AFG3L2: variants seen among roughly 807,000 people sequenced by gnomAD.
AFG3L2 encodes the protein AFG3 like matrix AAA peptidase subunit 2, also known as mitochondrial inner membrane m-AAA protease component AFG3L2.
Under a neutral mutation model 94.5 loss-of-function variants are expected in AFG3L2, and 54 were observed. The ratio of observed to expected loss-of-function variants is 0.57; its 90% CI spans 0.46 to 0.72. The LOEUF is 0.72. AFG3L2 is among the 30% of genes least tolerant of loss of function. AFG3L2 has a pLI of 0.00. For synonymous variants in AFG3L2, 377 were observed against 365.5 expected (o/e 1.03, Z -0.36); for missense variants, 754 against 994.9 (o/e 0.76, Z 3.26).
chr18:12,333,628 G>T (rs1216181490), intron 16 of AFG3L2, among the ~76,000 whole-genome samples: 3 of 151,982 alleles, frequency 2.0e-5, no homozygotes. Context: ...GCCTCCCAAA[G>T]TGCTGGGATT....
At chr18:12,333,422 A>C (rs1481000997) in intron 16 of AFG3L2, among the ~76,000 whole-genome samples, 2 of 148,256 alleles carry the variant, frequency 1.3e-5, no homozygotes, top group Admixed American at 7.0e-5. Flanking sequence ...CAGTGACGTG[A>C]TCACAGCTCA....
At chr18:12,330,170 CA>C (rs1377453250) in intron 16 of AFG3L2, among the ~76,000 whole-genome samples, 1 of 151,890 alleles carries the variant, frequency 6.6e-6, no homozygotes, top group Admixed American at 6.6e-5. Flanking sequence ...ACTAAAAATG[CA>C]AAAAAATAGC....
At chr18:12,349,285 A>T (rs1326215137) in intron 12 of AFG3L2, among the ~76,000 whole-genome samples, 1 of 152,186 alleles carries the variant, frequency 6.6e-6, no homozygotes, top group Non-Finnish European at 1.5e-5. Flanking sequence ...GGATGTGGAG[A>T]AACTGGGACC....
chr18:12,363,933 C>A, intron 5 of AFG3L2, 77 bp from the exon 6 acceptor site: 1 of 1,095,414 alleles, frequency 9.1e-7, no homozygotes, highest in Non-Finnish European at 1.4e-6. Flanking sequence ...ATTTAAAATG[C>A]ATATGATGTT....
At chr18:12,372,469 AAC>A (rs1450315190) in intron 1 of AFG3L2, among the ~76,000 whole-genome samples, 2 of 152,218 alleles carry the variant, frequency 1.3e-5, no homozygotes, top group African/African-American at 2.4e-5. Context: ...CACTCTGGAA[AAC>A]AGTTTGACAG....
chr18:12,339,493 G>C (rs1219507092), intron 15 of AFG3L2, among the ~76,000 whole-genome samples: 1 of 146,188 alleles, frequency 6.8e-6, no homozygotes, highest in Non-Finnish European at 1.5e-5. Context: ...CAGAGGTTGT[G>C]GTGAGCCGAG....
rs1162043756 is a variant in AFG3L2 at position 12,359,953 on chromosome 18, AGGC to A, written c.723_725del (p.Pro242del). ...CATCACTTTCAGCAATGTAGACAAC[AGGC>A]ACCCGATTTTCTCCTTCTATGCCCA... On this transcript the variant is annotated inframe_deletion, in exon 7 of 17. Transcript: ENST00000269143. 1 of 1,613,858 alleles carries A rather than the reference AGGC, an allele frequency of 6.2e-7. No individual in the cohort carries two copies. Among genetic ancestry groups the A allele is most frequent in the Non-Finnish European group, 8.5e-7 (1 of 1,180,020 alleles).
chr18:12,346,350 C>T (rs1314141380), intron 13 of AFG3L2, among the ~76,000 whole-genome samples: 1 of 152,222 alleles, frequency 6.6e-6, no homozygotes, highest in Admixed American at 6.5e-5. Flanking sequence ...GGGACCACCA[C>T]TGCCTGTTCC....
chr18:12,339,835 C>T (rs1280161224), intron 15 of AFG3L2, among the ~76,000 whole-genome samples: 4 of 120,276 alleles, frequency 3.3e-5, no homozygotes, highest in Admixed American at 9.8e-5. Context: ...GGCAAGAGTG[C>T]GAGGCTCAGT....
intron 14 of AFG3L2, chr18:12,340,977 T>TA (rs754409307): frequency 1.3e-5 from 2 of 154,844 alleles, no homozygotes; most frequent in African/African-American, 2.4e-5. Context: ...GGGATGGTCT[T>TA]AAACTCCTGA....
At chr18:12,357,904 C>T (rs1908542528) in intron 8 of AFG3L2, among the ~76,000 whole-genome samples, 1 of 152,054 alleles carries the variant, frequency 6.6e-6, no homozygotes, top group African/African-American at 2.4e-5. Flanking sequence ...TGGCCCTACA[C>T]AACTATTATA....
chr18:12,357,890 C>A (rs143073053), intron 8 of AFG3L2, among the ~76,000 whole-genome samples: 14 of 152,044 alleles, frequency 9.2e-5, no homozygotes, highest in African/African-American at 3.1e-4. Flanking sequence ...TGAGCCACTG[C>A]GCCTGGCCCT....
chr18:12,339,377 AC>A (rs1907865143), intron 15 of AFG3L2, among the ~76,000 whole-genome samples: 1 of 149,992 alleles, frequency 6.7e-6, no homozygotes, highest in Non-Finnish European at 1.5e-5. Context: ...ACATGGAGAA[AC>A]CCCGTCTCTA....
intron 16 of AFG3L2, among the ~76,000 whole-genome samples, chr18:12,332,676 A>G (rs1282667569): frequency 6.3e-5 from 6 of 94,748 alleles, no homozygotes; most frequent in Non-Finnish European, 1.4e-4. Flanking sequence ...ATCCATATAT[A>G]TATATATATT....
intron 5 of AFG3L2, 93 bp downstream of exon 5, chr18:12,366,872 G>T: frequency 6.6e-7 from 1 of 1,512,974 alleles, no homozygotes; most frequent in Non-Finnish European, 9.2e-7. Context: ...CAATGGACGA[G>T]CCAGGTTAAC....
chr18:12,377,098 C>T lies in AFG3L2; in HGVS notation c.-16G>A, dbSNP rs538441629. On this transcript the variant is annotated 5_prime_UTR_variant, in exon 1 of 17. Coordinates refer to ENST00000269143, the MANE Select transcript of AFG3L2 (RefSeq NM_006796.3). ...GGTGCGCCATGGCCGCCGCCGTGGC[C>T]CTCTCGGCCCGGGACGCTGCGCAGG... is the stretch of plus-strand genomic sequence containing the variant. 2.0e-5 allele frequency: 28 copies of T among 1,395,112 alleles called. No individual in the cohort carries two copies. In the East Asian group the frequency reaches 2.3e-4, roughly 11 times the overall value. 86.4% of individuals were successfully genotyped at this position (1,395,112 alleles called of 1,614,324 possible).
At chr18:12,337,559 G>A (rs757609267) in intron 15 of AFG3L2, 24 bp from the exon 16 acceptor site, 2 of 1,608,592 alleles carry the variant, frequency 1.2e-6, no homozygotes, top group South Asian at 2.2e-5. Flanking sequence ...AATTAGTGGT[G>A]ATTACATATG....
intron 15 of AFG3L2, among the ~76,000 whole-genome samples, chr18:12,339,399 A>G (rs1907866075): frequency 6.6e-6 from 1 of 151,900 alleles, no homozygotes; most frequent in South Asian, 2.1e-4. Flanking sequence ...CTAAAAATAC[A>G]AAACTAGCCA....
intron 13 of AFG3L2, 82 bp downstream of exon 13, chr18:12,348,191 A>G: frequency 1.7e-6 from 2 of 1,210,682 alleles, no homozygotes; most frequent in Non-Finnish European, 2.4e-6. Context: ...CTTTGCTTCT[A>G]GTTCTTGCCC....
Sources: allele counts gnomAD v4.1 joint callset (sites outside exome capture counted in the v4.1 genomes callset), GRCh38; gene constraint gnomAD v4.1.1; transcripts MANE v1.5; gene names NCBI Gene and HGNC (gene_info 2026-07-23, HGNC 2026-07-21).